The following KAZN variants were observed in gnomAD, a reference collection of about 807,000 sequenced individuals.
KAZN encodes the protein kazrin, periplakin interacting protein.
In KAZN, 40 loss-of-function variants were observed where a neutral mutation model predicts 87.4. The ratio of observed to expected loss-of-function variants is 0.46; its 90% CI spans 0.36 to 0.60. The LOEUF is 0.60. Among genes scored for constraint, KAZN ranks in the 20% least tolerant of loss-of-function variants. The pLI is 0.00. For missense variants in KAZN, 898 were observed against 1,073.9 expected (o/e 0.84, Z 2.29); for synonymous variants, 466 against 458.3 (o/e 1.02, Z -0.22).
intron 1 of KAZN, among the ~76,000 whole-genome samples, chr1:14,861,284 C>T (rs1415181944): frequency 4.6e-5 from 7 of 152,072 alleles, no homozygotes; most frequent in South Asian, 2.1e-4. Context: ...GAGGCTGAGG[C>T]GGGAGGATCA....
At position 14,749,881 on chromosome 1, in the gene KAZN, A is replaced by T. The variant is rs138055112; in HGVS notation, c.226+150658A>T. Among the ~76,000 whole-genome samples, 524 of 152,194 alleles carry T rather than the reference A, an allele frequency of 3.4e-3. 3 individuals carry two copies. Among genetic ancestry groups the T allele is most frequent in the African/African-American group, 0.011 (470 of 41,534 alleles). On this transcript the variant is annotated intron_variant, in intron 1 of 14. Coordinates refer to ENST00000376030, the MANE Select transcript of KAZN (RefSeq NM_201628.3). The stretch of plus-strand genomic sequence containing the variant: ...TGAGAGTAATAATGCCTCCTTCTTC[A>T]TGCCTACCTTCCTCATGGGCCATTG...
intron 1 of KAZN, among the ~76,000 whole-genome samples, chr1:14,817,117 C>T (rs1027107661): frequency 2.6e-5 from 4 of 152,160 alleles, no homozygotes; most frequent in African/African-American, 9.7e-5. Flanking sequence ...TTCAGTGCCC[C>T]GAGTAATGCT....
chr1:14,003,317 A>G (rs1016707744), intron 1 of KAZN, among the ~76,000 whole-genome samples: 1 of 150,722 alleles, frequency 6.6e-6, no homozygotes, highest in Non-Finnish European at 1.5e-5. Flanking sequence ...TGTATCCTGG[A>G]ACTTAAAGTA....
At chr1:14,452,722 C>T (rs1182502924) in intron 2 of KAZN, among the ~76,000 whole-genome samples, 2 of 152,138 alleles carry the variant, frequency 1.3e-5, no homozygotes, top group Non-Finnish European at 2.9e-5. Context: ...TGAAGACACT[C>T]TAGTTAAGTT....
In KAZN at chr1:14,984,334, GCCACT is replaced by G. The variant is rs1294601671; in HGVS notation, c.418+23468_418+23472del. Among the ~76,000 whole-genome samples, 5 of 151,988 alleles carry G rather than the reference GCCACT, an allele frequency of 3.3e-5. 1 individual carries two copies. Among genetic ancestry groups the G allele is most frequent in the Admixed American group, 3.3e-4 (5 of 15,254 alleles). The stretch of plus-strand genomic sequence containing the variant: ...AGAGGTTGCAGTGAGCTGAGATCAT[GCCACT>G]CCACTCCAGCCTGGGAAACAGGCAA... On this transcript the variant is annotated intron_variant, in intron 2 of 14. Transcript: ENST00000376030.
chr1:14,606,904 A>C (rs1163795151), intron 1 of KAZN, among the ~76,000 whole-genome samples: 1 of 152,202 alleles, frequency 6.6e-6, no homozygotes, highest in Non-Finnish European at 1.5e-5. Context: ...CTTCAGGTCA[A>C]AATTATCCCT....
At chr1:14,095,622 C>G (rs569711732) in intron 1 of KAZN, among the ~76,000 whole-genome samples, 22 of 152,246 alleles carry the variant, frequency 1.4e-4, no homozygotes, top group African/African-American at 5.1e-4. Flanking sequence ...ACATACATGT[C>G]TGTTCCCTGA....
intron 1 of KAZN, among the ~76,000 whole-genome samples, chr1:14,099,285 A>C (rs74682487): frequency 0.047 from 7,207 of 152,196 alleles, 524 homozygotes; most frequent in African/African-American, 0.16. Flanking sequence ...GAAATCAGAG[A>C]TCAATCTTCC....
intron 2 of KAZN, among the ~76,000 whole-genome samples, chr1:14,514,363 ATT>A (rs1434932079): frequency 5.3e-5 from 1 of 18,992 alleles, no homozygotes; most frequent in African/African-American, 2.4e-4. Flanking sequence ...TTATATATAT[ATT>A]TATATATATA....
At chr1:14,928,671 T>A (rs1389699605) in intron 1 of KAZN, among the ~76,000 whole-genome samples, 1 of 152,278 alleles carries the variant, frequency 6.6e-6, no homozygotes, top group East Asian at 1.9e-4. Context: ...TGAGATGCAA[T>A]CTCCACTGCT....
chr1:14,753,591 A>C (rs1368757902), intron 1 of KAZN, among the ~76,000 whole-genome samples: 2 of 152,150 alleles, frequency 1.3e-5, no homozygotes, highest in Non-Finnish European at 2.9e-5. Context: ...AATTAAAAAA[A>C]AATAAAATAA....
intron 2 of KAZN, among the ~76,000 whole-genome samples, chr1:14,411,825 C>A (rs184752708): frequency 1.3e-5 from 2 of 152,052 alleles, no homozygotes; most frequent in Admixed American, 6.5e-5. Context: ...AGTAATAACA[C>A]GTAACATAAA....
At chr1:14,977,698 A>G (rs561431070) in intron 2 of KAZN, among the ~76,000 whole-genome samples, 43 of 152,316 alleles carry the variant, frequency 2.8e-4, no homozygotes, top group African/African-American at 9.6e-4. Context: ...CTTCAGGTGC[A>G]GAATGGGCTG....
At chr1:14,496,687 C>T (rs141100863) in intron 2 of KAZN, among the ~76,000 whole-genome samples, 250 of 151,856 alleles carry the variant, frequency 1.6e-3, no homozygotes, top group African/African-American at 5.7e-3. Context: ...AGCTCGGCAG[C>T]GACTCTAAGA....
chr1:14,924,316 G>A (rs1356874643), intron 1 of KAZN: 10 of 985,958 alleles, frequency 1.0e-5, no homozygotes, highest in Non-Finnish European at 1.2e-5. Flanking sequence ...GGCGCGCGCC[G>A]TCGGAGCCCC....
chr1:14,439,091 A>G (rs899884673), intron 2 of KAZN, among the ~76,000 whole-genome samples: 1 of 152,210 alleles, frequency 6.6e-6, no homozygotes, highest in Non-Finnish European at 1.5e-5. Context: ...GGGATTTCCA[A>G]TAAATATCAC....
At chr1:14,970,848 A>C (rs1406049506) in intron 2 of KAZN, among the ~76,000 whole-genome samples, 1 of 152,258 alleles carries the variant, frequency 6.6e-6, no homozygotes, top group Non-Finnish European at 1.5e-5. Context: ...AACATTTACC[A>C]GAGCTCAACT....
intron 2 of KAZN, among the ~76,000 whole-genome samples, chr1:14,429,931 T>C (rs1395627587): frequency 6.6e-6 from 1 of 151,956 alleles, no homozygotes; most frequent in Non-Finnish European, 1.5e-5. Context: ...TTTATTATGC[T>C]CCACATGATC....
intron 2 of KAZN, among the ~76,000 whole-genome samples, chr1:15,028,061 G>A (rs1481927684): frequency 6.6e-6 from 1 of 151,296 alleles, no homozygotes; most frequent in Middle Eastern, 3.4e-3. Context: ...GTGTTGTCTC[G>A]GTCTTTCGCC....
Sources: allele counts gnomAD v4.1 joint callset (sites outside exome capture counted in the v4.1 genomes callset), GRCh38; gene constraint gnomAD v4.1.1; transcripts MANE v1.5; gene names NCBI Gene and HGNC (gene_info 2026-07-23, HGNC 2026-07-21).